Variants in GALNT13 observed in about 807,000 individuals in gnomAD.
GALNT13 encodes the protein UDP-GalNAc:polypeptide N-acetylgalactosaminyltransferase 13.
GALNT13 carries 28 observed loss-of-function variants against 64.2 expected under a neutral mutation model. The observed-to-expected ratio is 0.44, with a 90% CI of 0.32 to 0.60. The LOEUF (loss-of-function observed/expected upper bound fraction) is 0.60. Among genes scored for constraint, GALNT13 ranks in the 20% least tolerant of loss-of-function variants. GALNT13 has a pLI of 0.05. For missense variants in GALNT13, 577 were observed against 669.8 expected (o/e 0.86, Z 1.53); for synonymous variants, 214 against 224.6 (o/e 0.95, Z 0.42).
At chr2:154,250,468 T>C (rs549937673) in intron 7 of GALNT13, among the ~76,000 whole-genome samples, 30 of 152,194 alleles carry the variant, frequency 2.0e-4, no homozygotes, top group African/African-American at 6.7e-4. Flanking sequence ...ATCAAGAGTT[T>C]GTTTGCACTT....
At chr2:153,963,610 C>T (rs553602784) in intron 3 of GALNT13, among the ~76,000 whole-genome samples, 3 of 152,062 alleles carry the variant, frequency 2.0e-5, no homozygotes, top group South Asian at 2.1e-4. Context: ...AAATTTTAGC[C>T]ATTTTACTGA....
chr2:154,438,978 G>A (rs1047661473), intron 12 of GALNT13, among the ~76,000 whole-genome samples: 2 of 152,066 alleles, frequency 1.3e-5, no homozygotes, highest in African/African-American at 4.8e-5. Context: ...TTATCTCCAT[G>A]TACATGCCAA....
intron 6 of GALNT13, among the ~76,000 whole-genome samples, chr2:154,244,233 G>T (rs1689653694): frequency 6.6e-6 from 1 of 151,888 alleles, no homozygotes; most frequent in Admixed American, 6.6e-5. Context: ...GAACCCTATT[G>T]TCTTGACCTG....
the GALNT13 span, among the ~76,000 whole-genome samples, chr2:153,071,113 C>T: frequency 1.3e-5 from 2 of 152,184 alleles, no homozygotes; most frequent in Admixed American, 1.3e-4. Flanking sequence ...ACAATTTCTT[C>T]CCTGGGATGT....
intron 8 of GALNT13, among the ~76,000 whole-genome samples, chr2:154,297,859 A>G (rs986355649): frequency 6.6e-6 from 1 of 152,062 alleles, no homozygotes; most frequent in Non-Finnish European, 1.5e-5. Context: ...GAATGTTGGC[A>G]CCATATACTA....
the GALNT13 span, among the ~76,000 whole-genome samples, chr2:153,325,167 A>G: frequency 9.7e-6 from 1 of 103,322 alleles, no homozygotes; most frequent in Non-Finnish European, 1.8e-5. Context: ...TTAAGGCCTC[A>G]ATTTCAGAAC....
chr2:153,224,078 A>G, the GALNT13 span, among the ~76,000 whole-genome samples: 3 of 152,198 alleles, frequency 2.0e-5, no homozygotes, highest in Non-Finnish European at 4.4e-5. Flanking sequence ...GAGATTCAAA[A>G]TGAATAACCT....
At chr2:153,913,481 C>T (rs1689122988) in intron 2 of GALNT13, among the ~76,000 whole-genome samples, 1 of 152,148 alleles carries the variant, frequency 6.6e-6, no homozygotes, top group Non-Finnish European at 1.5e-5. Context: ...GCAAGTTGAG[C>T]CCAGGGGAAT....
chr2:153,386,151 ACTG>A, the GALNT13 span, among the ~76,000 whole-genome samples: 1 of 152,036 alleles, frequency 6.6e-6, no homozygotes, highest in Non-Finnish European at 1.5e-5. Flanking sequence ...TTGAATAACT[ACTG>A]CTGAGTTGAT....
chr2:153,357,021 G>A, the GALNT13 span, among the ~76,000 whole-genome samples: 36 of 151,904 alleles, frequency 2.4e-4, no homozygotes, highest in Non-Finnish European at 4.4e-4. Flanking sequence ...TGTTAGCCAG[G>A]ATGGTCTCGA....
chr2:153,106,399 A>C, the GALNT13 span, among the ~76,000 whole-genome samples: 1 of 152,012 alleles, frequency 6.6e-6, no homozygotes, highest in African/African-American at 2.4e-5. Context: ...TTGTCTCTCC[A>C]TGTGAATCTG....
At chr2:153,201,973 CTTTTTT>C in the GALNT13 span, among the ~76,000 whole-genome samples, 2 of 108,900 alleles carry the variant, frequency 1.8e-5, no homozygotes, top group African/African-American at 3.8e-5. Context: ...CCACCCATTT[CTTTTTT>C]TTTTTTTTTT....
intron 2 of GALNT13, among the ~76,000 whole-genome samples, chr2:153,917,328 C>T (rs2105328971): frequency 6.6e-6 from 1 of 152,200 alleles, no homozygotes; most frequent in South Asian, 2.1e-4. Context: ...GCCTGCATTA[C>T]TGCTACCTAT....
chr2:153,370,917 C>T, the GALNT13 span: 11 of 197,622 alleles, frequency 5.6e-5, no homozygotes, highest in African/African-American at 2.1e-4. Context: ...CCAACAAGTA[C>T]CAGACCAAAC....
chr2:153,123,588 T>C, the GALNT13 span, among the ~76,000 whole-genome samples: 4 of 152,190 alleles, frequency 2.6e-5, no homozygotes, highest in Non-Finnish European at 5.9e-5. Context: ...AAACCAAATC[T>C]CTATCTGCAT....
the GALNT13 span, among the ~76,000 whole-genome samples, chr2:153,203,423 CTT>C: frequency 6.6e-6 from 1 of 152,116 alleles, no homozygotes; most frequent in Non-Finnish European, 1.5e-5. Context: ...TTATTGAACA[CTT>C]TTTAAGAACC....
intron 9 of GALNT13, among the ~76,000 whole-genome samples, chr2:154,324,212 A>AT: frequency 6.6e-6 from 1 of 151,200 alleles, no homozygotes; most frequent in East Asian, 1.9e-4. Flanking sequence ...ATGCTCTTGA[A>AT]TTTTTTTTAG....
In GALNT13 at chr2:153,871,940, CT is replaced by C. The variant is rs1469613023; in HGVS notation, c.-539del. 2.0e-5 allele frequency: 3 copies of C among 152,474 alleles called. No homozygotes were observed. The highest frequency in any genetic ancestry group is 4.4e-5 in the Non-Finnish European group (3 of 68,420). The allele number at this position is 152,474 out of a possible 1,614,324, so 9.4% of individuals were successfully genotyped here. A position where few individuals can be genotyped will look rare whatever the true frequency, so the allele number is the denominator to read the frequency against. On this transcript the variant is annotated 5_prime_UTR_variant, in exon 1 of 13. Coordinates refer to ENST00000392825, the MANE Select transcript of GALNT13 (RefSeq NM_052917.4). The stretch of plus-strand genomic sequence containing the variant: ...GAGAAGTGACCAGGCGGCGGCGGCT[CT>C]GCTGAGGTGACAACGTGCTAGCAGC...
intron 11 of GALNT13, among the ~76,000 whole-genome samples, chr2:154,414,907 T>A (rs1044234180): frequency 6.6e-6 from 1 of 151,990 alleles, no homozygotes; most frequent in Non-Finnish European, 1.5e-5. Flanking sequence ...AAAACATTTA[T>A]ATCATCATAA....
Sources: gnomAD v4.1 joint callset for allele counts (sites outside exome capture counted in the v4.1 genomes callset) on GRCh38, gnomAD v4.1.1 for gene constraint, MANE v1.5 for transcripts, NCBI Gene and HGNC (gene_info 2026-07-23, HGNC 2026-07-21) for gene names.